Variants in TMEM116 observed in about 807,000 individuals in gnomAD.
TMEM116 encodes the protein transmembrane protein 116.
In TMEM116, 38 loss-of-function variants were observed where a neutral mutation model predicts 44.3. The observed-to-expected ratio is 0.86, with a 90% confidence interval of 0.66 to 1.12. The LOEUF is 1.12. Among genes scored for constraint, TMEM116 ranks in the 50% most tolerant of loss-of-function variants. The pLI, the probability that TMEM116 is intolerant of heterozygous loss-of-function variation, is 0.00. For synonymous variants in TMEM116, 132 were observed against 144.8 expected (o/e 0.91, Z 0.64); for missense variants, 354 against 401.7 (o/e 0.88, Z 1.01).
intron 1 of TMEM116, among the ~76,000 whole-genome samples, chr12:112,009,409 G>C (rs1305753042): frequency 6.6e-6 from 1 of 151,934 alleles, no homozygotes; most frequent in Non-Finnish European, 1.5e-5. Flanking sequence ...TGTGAAATCT[G>C]CAAACCAAAC....
chr12:111,994,512 T>A (rs965032782), intron 3 of TMEM116, among the ~76,000 whole-genome samples: 3 of 152,124 alleles, frequency 2.0e-5, no homozygotes, highest in Non-Finnish European at 4.4e-5. Flanking sequence ...TTAAGTTTAG[T>A]GAGGGCGGGG....
intron 4 of TMEM116, among the ~76,000 whole-genome samples, chr12:111,987,621 G>A (rs2076299710): frequency 6.6e-6 from 1 of 152,024 alleles, no homozygotes; most frequent in Admixed American, 6.6e-5. Context: ...TTAGAGAAAT[G>A]CAAATCAAAA....
intron 3 of TMEM116, among the ~76,000 whole-genome samples, chr12:111,992,195 G>A (rs1051397348): frequency 1.3e-5 from 2 of 152,094 alleles, no homozygotes; most frequent in Admixed American, 1.3e-4. Flanking sequence ...GTGGAAAGAT[G>A]AGAAATTTTG....
chr12:111,975,564 A>T (rs901477580), intron 4 of TMEM116, among the ~76,000 whole-genome samples: 2 of 152,252 alleles, frequency 1.3e-5, no homozygotes, highest in Non-Finnish European at 2.9e-5. Context: ...TAATTTCAAG[A>T]AACGGTTTAC....
intron 4 of TMEM116, among the ~76,000 whole-genome samples, chr12:111,951,603 G>A (rs969320263): frequency 3.3e-5 from 5 of 152,118 alleles, no homozygotes; most frequent in Non-Finnish European, 5.9e-5. Flanking sequence ...ATAAGTGGGA[G>A]CTAAATGATG....
rs368109524 is a variant in TMEM116 at position 111,933,892 on chromosome 12, C to T, written c.727G>A (p.Gly243Ser). ...FYPVAFFCCW[G>S]PAVILMIIKL... ...CTTCTTGTTAAGTACCTACCTGGGC[C>T]CCAGCAGCAAAAGAAGGCCACTGGG... Residue 243 changes from glycine to serine, a missense_variant, in exon 9 of 11, where the codon GGC becomes AGC. Gly to Ser is a moderately conservative substitution (Grantham distance 56, BLOSUM62 0). Coordinates refer to ENST00000552374, the MANE Select transcript of TMEM116 (RefSeq NM_001193531.2). 18 of 1,613,672 alleles carry T rather than the reference C, an allele frequency of 1.1e-5. No individual in the cohort carries two copies. The East Asian group carries it at 1.6e-4, about 14-fold the overall frequency.
intron 4 of TMEM116, among the ~76,000 whole-genome samples, chr12:111,954,800 CA>C (rs2073966938): frequency 2.0e-5 from 3 of 152,192 alleles, no homozygotes; most frequent in African/African-American, 7.2e-5. Flanking sequence ...CAACTTGTAT[CA>C]AAGTATACAG....
intron 10 of TMEM116, 99 bp downstream of exon 10, chr12:111,932,487 T>C: frequency 1.0e-6 from 1 of 980,990 alleles, no homozygotes; most frequent in East Asian, 2.5e-5. Context: ...AATGTAGAAG[T>C]ACCCGGAGGG....
At chr12:111,952,192 G>GGT (rs1565891042) in intron 4 of TMEM116, among the ~76,000 whole-genome samples, 1 of 152,094 alleles carries the variant, frequency 6.6e-6, no homozygotes, top group African/African-American at 2.4e-5. Context: ...TTGAGCCACT[G>GGT]CACTCCAGCC....
intron 4 of TMEM116, among the ~76,000 whole-genome samples, chr12:111,972,801 A>C (rs1299653095): frequency 6.6e-6 from 1 of 151,772 alleles, no homozygotes; most frequent in African/African-American, 2.4e-5. Context: ...GCTGCAACCC[A>C]GGAGGAGGAG....
chr12:111,946,085 C>T (rs868862174), intron 4 of TMEM116, among the ~76,000 whole-genome samples: 18 of 152,194 alleles, frequency 1.2e-4, no homozygotes, highest in African/African-American at 3.6e-4. Flanking sequence ...ATGTTTAGAA[C>T]AATGTTTTCC....
chr12:111,988,028 A>C (rs879853818), intron 4 of TMEM116, among the ~76,000 whole-genome samples: 1 of 152,254 alleles, frequency 6.6e-6, no homozygotes, highest in Non-Finnish European at 1.5e-5. Context: ...ACATGCTACA[A>C]CAAGATAAAC....
intron 3 of TMEM116, among the ~76,000 whole-genome samples, chr12:111,998,729 A>G (rs10735077): frequency 0.36 from 54,043 of 152,020 alleles, 14,081 homozygotes; most frequent in East Asian, 0.85. Flanking sequence ...GCTGAGGCAG[A>G]AGAATCACTT....
chr12:111,951,205 T>C (rs759173283), intron 4 of TMEM116, among the ~76,000 whole-genome samples: 1 of 152,266 alleles, frequency 6.6e-6, no homozygotes, highest in African/African-American at 2.4e-5. Context: ...GAAATGCTTA[T>C]ACACTGTTGG....
intron 4 of TMEM116, among the ~76,000 whole-genome samples, chr12:111,962,579 T>C (rs1032939523): frequency 7.9e-5 from 12 of 152,204 alleles, no homozygotes; most frequent in African/African-American, 2.9e-4. Context: ...ATTGCCTATT[T>C]AATAAATGGC....
In TMEM116 at chr12:111,933,886, C is replaced by T. The variant is rs2071883988; in HGVS notation, c.733G>A (p.Ala245Thr). The change falls in exon 9 of 11, where the codon GCT becomes ACT. Residue 245 changes from alanine to threonine, a missense_variant and splice_region_variant. Physicochemically the swap from Ala to Thr is moderately conservative, Grantham distance 58. Transcript: ENST00000552374. ...PVAFFCCWGP[A>T]VILMIIKLTK... The stretch of plus-strand genomic sequence containing the variant: ...CCATCTCTTCTTGTTAAGTACCTAC[C>T]TGGGCCCCAGCAGCAAAAGAAGGCC... 1 of 1,613,818 alleles carries T rather than the reference C, an allele frequency of 6.2e-7. No homozygotes were observed. The highest frequency in any genetic ancestry group is 1.1e-5 in the South Asian group (1 of 91,046).
chr12:112,006,334 G>T (rs1476191413), intron 1 of TMEM116, among the ~76,000 whole-genome samples: 1 of 152,084 alleles, frequency 6.6e-6, no homozygotes, highest in Non-Finnish European at 1.5e-5. Flanking sequence ...GATAAATAGA[G>T]CTGCAATAGA....
chr12:111,959,790 G>A (rs111712968), intron 4 of TMEM116, among the ~76,000 whole-genome samples: 1 of 152,114 alleles, frequency 6.6e-6, no homozygotes, highest in Non-Finnish European at 1.5e-5. Context: ...AGGGATCAAT[G>A]CAACAAGAAG....
intron 4 of TMEM116, among the ~76,000 whole-genome samples, chr12:111,989,879 AATAC>A (rs2076443826): frequency 6.6e-6 from 1 of 152,192 alleles, no homozygotes; most frequent in Non-Finnish European, 1.5e-5. Context: ...TTCACAGGGG[AATAC>A]ATATGTAAAA....
Sources: allele counts gnomAD v4.1 joint callset (sites outside exome capture counted in the v4.1 genomes callset), GRCh38; gene constraint gnomAD v4.1.1; transcripts MANE v1.5; gene names NCBI Gene and HGNC (gene_info 2026-07-23, HGNC 2026-07-21).